MAN2A2: variants seen among roughly 807,000 people sequenced by gnomAD.
MAN2A2 encodes the protein mannosidase alpha class 2A member 2.
In MAN2A2, 79 loss-of-function variants were observed where a neutral mutation model predicts 126.8. That is an observed-to-expected ratio of 0.62 (90% CI 0.52 to 0.75). The LOEUF is 0.75. Ranked by LOEUF, MAN2A2 falls within the 30% of genes least tolerant of loss-of-function variation. The pLI is 0.00. For missense variants in MAN2A2, 1,392 were observed against 1,522.4 expected, an observed-to-expected ratio of 0.91 and a Z score of 1.43; for synonymous variants, 671 against 618.7, an observed-to-expected ratio of 1.08 and a Z score of -1.25.
At chr15:90,917,332 G>T (rs988922983) in intron 20 of MAN2A2, among the ~76,000 whole-genome samples, 3 of 152,180 alleles carry the variant, frequency 2.0e-5, no homozygotes, top group Non-Finnish European at 4.4e-5. Flanking sequence ...GCCTGCTAAG[G>T]GATCTGGACT....
In MAN2A2 at chr15:90,922,163, A is replaced by G. The variant is rs2035572617; in HGVS notation, c.*2376A>G. 1 of 152,228 alleles carries G rather than the reference A, an allele frequency of 6.6e-6. No individual in the cohort carries two copies. Among genetic ancestry groups the G allele is most frequent in the Non-Finnish European group, 1.5e-5 (1 of 68,032 alleles). 9.4% of individuals were successfully genotyped at this position (152,228 alleles called of 1,614,324 possible). On this transcript the variant is annotated 3_prime_UTR_variant, in exon 23 of 23. Transcript: ENST00000559717. Reference sequence around the variant, plus strand: ...GTTAAAACACAAATGACAGATATGGAAGAAAATATTTGCAGCACATAAAAA... The same window carrying G: ...GTTAAAACACAAATGACAGATATGGGAGAAAATATTTGCAGCACATAAAAA...
chr15:90,908,999 C>G (rs147921788), intron 8 of MAN2A2, among the ~76,000 whole-genome samples: 439 of 152,312 alleles, frequency 2.9e-3, no homozygotes, highest in African/African-American at 7.5e-3. Flanking sequence ...ACTTGTGGAG[C>G]TGGTGTGATA....
intron 19 of MAN2A2, 32 bp downstream of exon 19, chr15:90,913,787 A>T: frequency 6.4e-7 from 1 of 1,557,068 alleles, no homozygotes; most frequent in Non-Finnish European, 8.7e-7. Flanking sequence ...TGCAGAGGGT[A>T]TCAGACAAAA....
At chr15:90,916,505 T>G (rs2035195176) in intron 20 of MAN2A2, 1 of 1,312,062 alleles carries the variant, frequency 7.6e-7, no homozygotes, top group Non-Finnish European at 1.0e-6. Flanking sequence ...TCCTCTGTGC[T>G]GCCCTCCTCT....
intron 17 of MAN2A2, 112 bp from the exon 18 acceptor site, chr15:90,913,161 T>C: frequency 7.3e-7 from 1 of 1,378,092 alleles, no homozygotes; most frequent in Non-Finnish European, 1.0e-6. Flanking sequence ...GGGGATTTCT[T>C]GGGAGGTTGG....
chr15:90,913,212 G>C lies in MAN2A2; in HGVS notation c.2585-61G>C. On this transcript the variant is annotated intron_variant, in intron 17 of 22. Coordinates refer to ENST00000559717, the MANE Select transcript of MAN2A2 (RefSeq NM_006122.4). The stretch of plus-strand genomic sequence containing the variant: ...AGCTCGGCTCTGATCCCCCAGCCCA[G>C]CCTCTTAGCTGTGCTTCAGCCTCAC... 2.5e-6 allele frequency: 4 copies of C among 1,587,334 alleles called. No individual in the cohort carries two copies. The South Asian group carries it at 3.4e-5, about 14-fold the overall frequency.
Position 90,913,700 on chromosome 15 carries a change from G to A in MAN2A2, c.2805G>A (p.Gln935=), listed in dbSNP as rs1315783730. ...MPVMAYIQDA[Q]KRLTLHTAQA... ...TCATGGCCTATATCCAGGACGCACAGAAGCGCCTCACGCTGCACACTGCCC... is the reference window on the plus strand; with the variant it reads ...TCATGGCCTATATCCAGGACGCACAAAAGCGCCTCACGCTGCACACTGCCC... The change falls in exon 19 of 23, where the codon CAG becomes CAA. Residue 935 remains glutamine, a synonymous_variant. Transcript: ENST00000559717. The A allele has an allele frequency of 4.4e-6, 7 of 1,607,374 alleles. No homozygotes were observed. The highest frequency in any genetic ancestry group is 5.9e-6 in the Non-Finnish European group (7 of 1,176,886).
chr15:90,907,660 C>T, intron 8 of MAN2A2, 165 bp downstream of exon 8: 2 of 636,588 alleles, frequency 3.1e-6, no homozygotes, highest in Admixed American at 3.0e-5. Flanking sequence ...GCTCTTGCAA[C>T]CACCTTTCAC....
rs1350143786 is a variant in MAN2A2 at position 90,918,331 on chromosome 15, G to A, written c.3132G>A (p.Leu1044=). 1.9e-6 allele frequency: 3 copies of A among 1,614,036 alleles called. No individual in the cohort carries two copies. In the African/African-American group the frequency reaches 4.0e-5, roughly 22 times the overall value. Residue 1044 remains leucine, a synonymous_variant, in exon 21 of 23, where the codon CTG becomes CTA. Coordinates refer to ENST00000559717, the MANE Select transcript of MAN2A2 (RefSeq NM_006122.4). The stretch of plus-strand genomic sequence containing the variant: ...CTGGTCTGCGCTCATTTCATCCTCT[G>A]GCTTCCTCACTGCCCTGTGACTTCC... ...PGPGLRSFHP[L]ASSLPCDFHL... is the part of the protein sequence containing the mutation.
intron 8 of MAN2A2, among the ~76,000 whole-genome samples, chr15:90,907,721 G>A (rs928444743): frequency 6.6e-6 from 1 of 152,226 alleles, no homozygotes; most frequent in Non-Finnish European, 1.5e-5. Context: ...CTAACAAACT[G>A]CCAGGGCCAG....
chr15:90,916,749 T>G (rs1179115672), intron 20 of MAN2A2: 1 of 982,698 alleles, frequency 1.0e-6, no homozygotes, highest in Admixed American at 2.3e-5. Context: ...ACTCAGTCAC[T>G]CGTGCATCAG....
chr15:90,912,057 C>T lies in MAN2A2; in HGVS notation c.2124C>T (p.Val708=). 3.1e-6 allele frequency: 5 copies of T among 1,612,212 alleles called. No individual in the cohort carries two copies. Among genetic ancestry groups the T allele is most frequent in the Non-Finnish European group, 4.2e-6 (5 of 1,179,642 alleles). Residue 708 remains valine, a synonymous_variant, in exon 15 of 23, where the codon GTC becomes GTT. Transcript: ENST00000559717. ...TGTGCCCACAGGTGTCTGTGCCTGTCCGCCTGCCAGCCCTGGGCCTGGGCG... is the reference window on the plus strand; with the variant it reads ...TGTGCCCACAGGTGTCTGTGCCTGTTCGCCTGCCAGCCCTGGGCCTGGGCG... ...VPDVYQVSVP[V]RLPALGLGVL...
At chr15:90,917,121 C>G (rs895202757) in intron 20 of MAN2A2, among the ~76,000 whole-genome samples, 1 of 152,212 alleles carries the variant, frequency 6.6e-6, no homozygotes, top group Non-Finnish European at 1.5e-5. Context: ...CCCTATATGG[C>G]TATTTAAATT....
At position 90,905,392 on chromosome 15, in the gene MAN2A2, T is replaced by A; in HGVS notation, c.274T>A (p.Tyr92Asn). 1.2e-6 allele frequency: 2 copies of A among 1,613,984 alleles called. No individual in the cohort carries two copies. Among genetic ancestry groups the A allele is most frequent in the Non-Finnish European group, 1.7e-6 (2 of 1,180,030 alleles). Residue 92 changes from tyrosine to asparagine, a missense_variant, in exon 3 of 23, where the codon TAC (tyrosine) becomes AAC (asparagine). By Grantham distance (143) the Tyr-to-Asn change is moderately radical. Transcript: ENST00000559717. ...AEGPPAMLPYYTVNGSWVVPP... is the reference protein window; with the variant it reads ...AEGPPAMLPYNTVNGSWVVPP... ...GGGCCCGCCCGCCATGCTGCCCTACTACACGGTCAATGGCTCCTGGGTGGT... is the reference window on the plus strand; with the variant it reads ...GGGCCCGCCCGCCATGCTGCCCTACAACACGGTCAATGGCTCCTGGGTGGT...
intron 14 of MAN2A2, 82 bp from the exon 15 acceptor site, chr15:90,911,961 G>A (rs2034784245): frequency 8.4e-7 from 1 of 1,184,120 alleles, no homozygotes; most frequent in Non-Finnish European, 1.2e-6. Context: ...GCTTGCTCAA[G>A]CCCTCTGTTA....
At chr15:90,904,393 G>C in intron 2 of MAN2A2, 54 bp downstream of exon 2, 1 of 1,583,278 alleles carries the variant, frequency 6.3e-7, no homozygotes, top group Non-Finnish European at 8.6e-7. Context: ...TGGGCTCAGG[G>C]TATGCACCTC....
intron 11 of MAN2A2, 30 bp from the exon 12 acceptor site, chr15:90,910,817 C>T: frequency 1.9e-6 from 3 of 1,604,440 alleles, no homozygotes; most frequent in Non-Finnish European, 1.7e-6. Flanking sequence ...TGGTCATCTT[C>T]TCTCCTTCCC....
At chr15:90,915,982 C>G in intron 19 of MAN2A2, 141 bp from the exon 20 acceptor site, 1 of 886,678 alleles carries the variant, frequency 1.1e-6, no homozygotes, top group Non-Finnish European at 1.7e-6. Context: ...CGTGGGAACC[C>G]GTGACCTCTC....
In MAN2A2 at chr15:90,912,034, T is replaced by C; in HGVS notation, c.2110-9T>C. 1 of 1,607,638 alleles carries C rather than the reference T, an allele frequency of 6.2e-7. No homozygotes were observed. The highest frequency in any genetic ancestry group is 1.3e-5 in the African/African-American group (1 of 74,960). ...TGCCCCCACTTCCTCACCCCTCCTG[T>C]GCCCACAGGTGTCTGTGCCTGTCCG... On this transcript the variant is annotated splice_polypyrimidine_tract_variant and intron_variant, in intron 14 of 22. Coordinates refer to ENST00000559717, the MANE Select transcript of MAN2A2 (RefSeq NM_006122.4).
Sources: allele counts gnomAD v4.1 joint callset (sites outside exome capture counted in the v4.1 genomes callset), GRCh38; gene constraint gnomAD v4.1.1; transcripts MANE v1.5; gene names NCBI Gene and HGNC (gene_info 2026-07-23, HGNC 2026-07-21).